Variants in VTI1B observed in about 807,000 individuals in gnomAD.
VTI1B encodes the protein vesicle transport through interaction with t-SNAREs homolog 1B.
In VTI1B, 18 loss-of-function variants were observed where a neutral mutation model predicts 28.6. The ratio of observed to expected loss-of-function variants is 0.63; its 90% CI spans 0.43 to 0.93. The LOEUF is 0.93. Ranked by LOEUF, VTI1B falls within the 40% of genes least tolerant of loss-of-function variation. The pLI is 0.00. For synonymous variants in VTI1B, 100 were observed against 107.9 expected (o/e 0.93, Z 0.46); for missense variants, 283 against 297.0 (o/e 0.95, Z 0.35).
chr14:67,662,901 TCA>T, intron 1 of VTI1B: 1 of 652,286 alleles, frequency 1.5e-6, no homozygotes, highest in Non-Finnish European at 1.8e-6. Flanking sequence ...AGACTCTGTC[TCA>T]AAAAAAAAAA....
chr14:67,671,979 A>G (rs1457980160), intron 1 of VTI1B, among the ~76,000 whole-genome samples: 2 of 152,244 alleles, frequency 1.3e-5, no homozygotes, highest in Non-Finnish European at 2.9e-5. Flanking sequence ...ATGTCAACAT[A>G]AGTTTTAGAG....
At chr14:67,670,587 G>A (rs2037453785) in intron 1 of VTI1B, among the ~76,000 whole-genome samples, 1 of 151,196 alleles carries the variant, frequency 6.6e-6, no homozygotes, top group Non-Finnish European at 1.5e-5. Flanking sequence ...TTCTGAGATA[G>A]AGTCTCGCTC....
rs983877716 is a variant in VTI1B at position 67,647,451 on chromosome 14, T to C, written c.*3934A>G. On this transcript the variant is annotated 3_prime_UTR_variant, in exon 6 of 6. Coordinates refer to ENST00000554659, the MANE Select transcript of VTI1B (RefSeq NM_006370.3). ...TTTCCCAATACCAAGTCTTTACTTC[T>C]GGGTGATTAATGTCAGAATTGTTAT... 2 of 160,212 alleles carry C rather than the reference T, an allele frequency of 1.2e-5. No individual in the cohort carries two copies. Among genetic ancestry groups the C allele is most frequent in the African/African-American group, 2.4e-5 (1 of 41,590 alleles). 9.9% of individuals were successfully genotyped at this position (160,212 alleles called of 1,614,324 possible). A position where few individuals can be genotyped will look rare whatever the true frequency, so the allele number is the denominator to read the frequency against.
chr14:67,655,350 T>C (rs937361302), intron 4 of VTI1B, among the ~76,000 whole-genome samples: 6 of 152,040 alleles, frequency 3.9e-5, no homozygotes, highest in Non-Finnish European at 8.8e-5. Flanking sequence ...AATTCCTATG[T>C]AGGTTAACTC....
chr14:67,663,819 T>C (rs12050393), intron 1 of VTI1B, among the ~76,000 whole-genome samples: 18,946 of 152,218 alleles, frequency 0.12, 1,217 homozygotes, highest in Admixed American at 0.14. Flanking sequence ...TTCTGGTTAG[T>C]CAGCGGGGTG....
At chr14:67,662,356 A>C in intron 2 of VTI1B, 121 bp downstream of exon 2, 1 of 929,288 alleles carries the variant, frequency 1.1e-6, no homozygotes, top group Non-Finnish European at 1.7e-6. Context: ...TTCATTTAGT[A>C]AGAAATAGTC....
At chr14:67,669,113 TA>T (rs2037436240) in intron 1 of VTI1B, among the ~76,000 whole-genome samples, 1 of 152,178 alleles carries the variant, frequency 6.6e-6, no homozygotes, top group Admixed American at 6.5e-5. Context: ...TACTATGATT[TA>T]TCCCCATTTG....
intron 3 of VTI1B, among the ~76,000 whole-genome samples, chr14:67,657,835 G>A (rs1166012993): frequency 6.7e-6 from 1 of 148,366 alleles, no homozygotes; most frequent in Non-Finnish European, 1.5e-5. Context: ...TGCAGCCTCT[G>A]CCTCCCGGGC....
rs746603925 is a variant in VTI1B, at chr14:67,659,897, C to CA, written c.199_200insT (p.Arg67LeufsTer14). The CA allele has an allele frequency of 1.2e-6, 2 of 1,613,838 alleles. No homozygotes were observed. Among genetic ancestry groups the CA allele is most frequent in the Non-Finnish European group, 1.7e-6 (2 of 1,179,890 alleles). On this transcript the variant is annotated frameshift_variant, in exon 3 of 6. Transcript: ENST00000554659. LOFTEE classifies it high-confidence loss of function. Reference sequence around the variant, plus strand: ...GTTTCGGAAAGACAGGGGTGCATAACGTAGCTCCTCCTCCATCTCTGCCAG... The same window carrying CA: ...GTTTCGGAAAGACAGGGGTGCATAACAGTAGCTCCTCCTCCATCTCTGCCAG...
rs768647144 is a variant in VTI1B, at chr14:67,674,370, C to T, written c.115+5G>A. 1 of 1,589,432 alleles carries T rather than the reference C, an allele frequency of 6.3e-7. No individual in the cohort carries two copies. The highest frequency in any genetic ancestry group is 2.3e-5 in the East Asian group (1 of 43,646). ...TCCCCACGGCGTGGCCCACCCCCGC[C>T]TCACCGGTCCCCGCCGTCCCCAGCA... On this transcript the variant is annotated splice_donor_5th_base_variant and intron_variant, in intron 1 of 5. Coordinates refer to ENST00000554659, the MANE Select transcript of VTI1B (RefSeq NM_006370.3).
At chr14:67,672,434 TTTCTTTTC>T (rs1165045683) in intron 1 of VTI1B, among the ~76,000 whole-genome samples, 2 of 87,314 alleles carry the variant, frequency 2.3e-5, no homozygotes, top group Admixed American at 2.7e-4. Flanking sequence ...TCTACTTTTT[TTTCTTTTC>T]TTTTCTTTTT....
Position 67,650,267 on chromosome 14 carries a change from T to C in VTI1B, c.*1118A>G. The C allele has an allele frequency of 4.7e-6, 1 of 214,822 alleles. No individual in the cohort carries two copies. The highest frequency in any genetic ancestry group is 1.9e-3 in the Middle Eastern group (1 of 526). The allele number at this position is 214,822 out of a possible 1,614,324, so 13.3% of individuals were successfully genotyped here. A position where few individuals can be genotyped will look rare whatever the true frequency, so the allele number is the denominator to read the frequency against. ...CAGATAACACATTAGAGTTCAAAAG[T>C]GGGAATGCAGTTTGGCTAGTGCAAG... On this transcript the variant is annotated 3_prime_UTR_variant, in exon 6 of 6. Coordinates refer to ENST00000554659, the MANE Select transcript of VTI1B (RefSeq NM_006370.3).
chr14:67,660,504 T>C (rs944278912), intron 2 of VTI1B, among the ~76,000 whole-genome samples: 3 of 152,212 alleles, frequency 2.0e-5, no homozygotes, highest in South Asian at 2.1e-4. Context: ...CCTGGTATGA[T>C]TGAACATTGC....
At chr14:67,670,607 C>A (rs578055224) in intron 1 of VTI1B, among the ~76,000 whole-genome samples, 3 of 152,018 alleles carry the variant, frequency 2.0e-5, no homozygotes, top group Non-Finnish European at 4.4e-5. Flanking sequence ...CTGTCGCCTG[C>A]AATCTCTGCC....
chr14:67,668,773 T>A (rs1211771298), intron 1 of VTI1B, among the ~76,000 whole-genome samples: 1 of 152,212 alleles, frequency 6.6e-6, no homozygotes, highest in Non-Finnish European at 1.5e-5. Flanking sequence ...AACTTTCTGA[T>A]TCAATAGGTC....
At position 67,672,678 on chromosome 14, in the gene VTI1B, A is replaced by G. The variant is rs1434622770; in HGVS notation, c.115+1697T>C. 4.0e-5 allele frequency among the ~76,000 whole-genome samples: 6 copies of G among 150,956 alleles called. No individual in the cohort carries two copies. In the East Asian group the frequency reaches 9.8e-4, roughly 25 times the overall value. ...GGCTGGTCTTGAACTCCTGACCTCA[A>G]GTGATCCGCCCGCCTCGGCTTCCCC... On this transcript the variant is annotated intron_variant, in intron 1 of 5. Coordinates refer to ENST00000554659, the MANE Select transcript of VTI1B (RefSeq NM_006370.3).
rs367830553 is a variant in VTI1B, at chr14:67,659,827, T to A, written c.270A>T (p.Lys90Asn). ...GTGTGCTTCTCACCTCCCGATGGAG[T>A]TTAGCAAGGTCCTTCCGGTAGTTTC... Reference protein sequence around the residue: ...KLRNYRKDLAKLHREVRSTPL... With the variant: ...KLRNYRKDLANLHREVRSTPL... Residue 90 changes from lysine to asparagine, a missense_variant, in exon 3 of 6, where the codon AAA (lysine) becomes AAT (asparagine). By Grantham distance (94) the Lys-to-Asn change is moderately conservative. Transcript: ENST00000554659. The A allele has an allele frequency of 9.9e-6, 16 of 1,613,798 alleles. No individual in the cohort carries two copies. In the Middle Eastern group the frequency reaches 9.9e-4, roughly 100 times the overall value.
rs373715031 is a variant in VTI1B at position 67,670,594 on chromosome 14, G to A, written c.115+3781C>T. Among the ~76,000 whole-genome samples, 6 of 150,994 alleles carry A rather than the reference G, an allele frequency of 4.0e-5. No individual in the cohort carries two copies. In the South Asian group the frequency reaches 8.4e-4, roughly 21 times the overall value. Reference sequence around the variant, plus strand: ...TTTTTTTTTTCTGAGATAGAGTCTCGCTCTGTCGCCTGCAATCTCTGCCCC... The same window carrying A: ...TTTTTTTTTTCTGAGATAGAGTCTCACTCTGTCGCCTGCAATCTCTGCCCC... On this transcript the variant is annotated intron_variant, in intron 1 of 5. Coordinates refer to ENST00000554659, the MANE Select transcript of VTI1B (RefSeq NM_006370.3).
intron 1 of VTI1B, among the ~76,000 whole-genome samples, chr14:67,673,250 A>G (rs1226812021): frequency 6.6e-6 from 1 of 152,204 alleles, no homozygotes; most frequent in African/African-American, 2.4e-5. Flanking sequence ...AGGCTGAGGC[A>G]GGAGAATTGC....
Sources: gnomAD v4.1 joint callset for allele counts (sites outside exome capture counted in the v4.1 genomes callset) on GRCh38, gnomAD v4.1.1 for gene constraint, MANE v1.5 for transcripts, NCBI Gene and HGNC (gene_info 2026-07-23, HGNC 2026-07-21) for gene names.